The following ATL2 variants were observed in gnomAD, a reference collection of about 807,000 sequenced individuals.
ATL2 encodes the protein atlastin GTPase 2, also known as atlastin-2.
A neutral mutation model predicts 73.9 loss-of-function variants in ATL2; 31 were observed. The observed-to-expected ratio is 0.42, with a 90% CI of 0.32 to 0.57. ATL2 has a LOEUF of 0.57. Among genes scored for constraint, ATL2 ranks in the 20% least tolerant of loss-of-function variants. ATL2 has a pLI of 0.14. For missense variants in ATL2, 738 were observed against 702.6 expected (o/e 1.05, Z -0.57); for synonymous variants, 291 against 237.5 (o/e 1.23, Z -2.07).
chr2:38,324,298 G>A (rs577029571), intron 2 of ATL2, among the ~76,000 whole-genome samples: 19 of 152,224 alleles, frequency 1.2e-4, no homozygotes, highest in African/African-American at 4.1e-4. Flanking sequence ...AATCCAAGTA[G>A]TGCTACAATA....
intron 9 of ATL2, among the ~76,000 whole-genome samples, chr2:38,301,708 GCTAC>G (rs1345593300): frequency 1.3e-5 from 2 of 152,232 alleles, no homozygotes; most frequent in Non-Finnish European, 2.9e-5. Flanking sequence ...GCCACCATGG[GCTAC>G]AGTGCTCTGA....
At chr2:38,344,636 A>T (rs1669917498) in intron 1 of ATL2, among the ~76,000 whole-genome samples, 1 of 152,090 alleles carries the variant, frequency 6.6e-6, no homozygotes, top group Non-Finnish European at 1.5e-5. Context: ...AAAATTATTC[A>T]TGTTATTTTT....
intron 1 of ATL2, among the ~76,000 whole-genome samples, chr2:38,354,645 T>C (rs1239069947): frequency 6.6e-6 from 1 of 151,928 alleles, no homozygotes; most frequent in Non-Finnish European, 1.5e-5. Context: ...ATCCCAGCAC[T>C]TTGGAAGGCC....
At chr2:38,323,382 G>A (rs1486010113) in intron 2 of ATL2, among the ~76,000 whole-genome samples, 4 of 121,674 alleles carry the variant, frequency 3.3e-5, no homozygotes, top group African/African-American at 1.3e-4. Flanking sequence ...TTTTGAGATG[G>A]GGTCTCACTT....
intron 1 of ATL2, among the ~76,000 whole-genome samples, chr2:38,351,064 G>A (rs1216455895): frequency 6.6e-6 from 1 of 152,114 alleles, no homozygotes; most frequent in Non-Finnish European, 1.5e-5. Context: ...GGAATGAAAA[G>A]TATATTTTAT....
At chr2:38,342,165 G>T (rs140625779) in intron 2 of ATL2, among the ~76,000 whole-genome samples, 212 of 151,962 alleles carry the variant, frequency 1.4e-3, no homozygotes, top group Non-Finnish European at 2.6e-3. Context: ...GGAGAGATAG[G>T]TAAGTAGCAA....
At chr2:38,299,929 A>G (rs920426982) in intron 10 of ATL2, among the ~76,000 whole-genome samples, 1 of 152,164 alleles carries the variant, frequency 6.6e-6, no homozygotes, top group African/African-American at 2.4e-5. Flanking sequence ...ATTCCAAACA[A>G]CATTCATTGT....
chr2:38,312,641 G>T (rs969742942), intron 7 of ATL2, among the ~76,000 whole-genome samples: 2 of 151,398 alleles, frequency 1.3e-5, no homozygotes, highest in African/African-American at 4.9e-5. Context: ...CCCGGGAAGC[G>T]GAGGTTGCAG....
Position 38,298,131 on chromosome 2 carries a change from G to C in ATL2, c.1632+13C>G. 3.1e-6 allele frequency: 5 copies of C among 1,588,474 alleles called. No homozygotes were observed. Among genetic ancestry groups the C allele is most frequent in the Middle Eastern group, 1.7e-4 (1 of 5,908 alleles). On this transcript the variant is annotated intron_variant, in intron 12 of 12. Coordinates refer to ENST00000378954, the MANE Select transcript of ATL2 (RefSeq NM_001135673.4). ...AAGATTAGTCACTAAAAAACCAAAAGATAGATACCAACCTGTTCCCATAGT... is the reference window on the plus strand; with the variant it reads ...AAGATTAGTCACTAAAAAACCAAAACATAGATACCAACCTGTTCCCATAGT...
At chr2:38,374,861 A>G (rs1573611171) in intron 1 of ATL2, among the ~76,000 whole-genome samples, 1 of 152,344 alleles carries the variant, frequency 6.6e-6, no homozygotes, top group East Asian at 1.9e-4. Context: ...GTTACAATAC[A>G]GTCACAGAAA....
At chr2:38,347,608 G>C (rs1292582287) in intron 1 of ATL2, among the ~76,000 whole-genome samples, 1 of 151,920 alleles carries the variant, frequency 6.6e-6, no homozygotes, top group African/African-American at 2.4e-5. Flanking sequence ...TCCACAGAAT[G>C]AGTGTGCCAC....
chr2:38,328,309 A>T (rs1034063131), intron 2 of ATL2, among the ~76,000 whole-genome samples: 2 of 152,216 alleles, frequency 1.3e-5, no homozygotes, highest in African/African-American at 4.8e-5. Context: ...GTCGAGCTGA[A>T]CAGCATCAAC....
Position 38,323,349 on chromosome 2 carries a change from G to GTTT in ATL2, c.364-4333_364-4331dup, listed in dbSNP as rs1229668962. 4.8e-4 allele frequency among the ~76,000 whole-genome samples: 36 copies of GTTT among 75,266 alleles called. 2 individuals are homozygous for GTTT. Among genetic ancestry groups the GTTT allele is most frequent in the Non-Finnish European group, 6.6e-4 (26 of 39,452 alleles). 49.4% of individuals were successfully genotyped at this position (75,266 alleles called of 152,430 possible). On this transcript the variant is annotated intron_variant, in intron 2 of 12. Coordinates refer to ENST00000378954, the MANE Select transcript of ATL2 (RefSeq NM_001135673.4). ...AAAAGGCAATCTGAAATCACCAGAA[G>GTTT]TTTTTTTTTTTTTTTTTTTTTTTTT...
chr2:38,348,373 G>A (rs1670145909), intron 1 of ATL2, among the ~76,000 whole-genome samples: 1 of 151,890 alleles, frequency 6.6e-6, no homozygotes, highest in African/African-American at 2.4e-5. Context: ...GGCTGAGGGA[G>A]GAGAATTGCT....
intron 5 of ATL2, 65 bp from the exon 6 acceptor site, chr2:38,314,729 G>A: frequency 9.8e-7 from 1 of 1,017,776 alleles, no homozygotes; most frequent in Middle Eastern, 2.3e-4. Context: ...GTGTAAACCT[G>A]TTCCACACCA....
At chr2:38,308,134 T>C (rs1667553465) in intron 9 of ATL2, among the ~76,000 whole-genome samples, 2 of 152,162 alleles carry the variant, frequency 1.3e-5, no homozygotes, top group Admixed American at 6.5e-5. Flanking sequence ...AATCAGTATA[T>C]AGAAGATACA....
At chr2:38,312,321 GTTCTT>G (rs1667797534) in intron 7 of ATL2, among the ~76,000 whole-genome samples, 1 of 152,162 alleles carries the variant, frequency 6.6e-6, no homozygotes, top group African/African-American at 2.4e-5. Flanking sequence ...CCCCCTTGCT[GTTCTT>G]TTAACAGTGA....
At chr2:38,315,683 T>C (rs998338840) in intron 4 of ATL2, among the ~76,000 whole-genome samples, 3 of 152,148 alleles carry the variant, frequency 2.0e-5, no homozygotes, top group Non-Finnish European at 2.9e-5. Flanking sequence ...TTAAAGAGTG[T>C]AGGTTATTTC....
chr2:38,332,830 T>C (rs962017071), intron 2 of ATL2, among the ~76,000 whole-genome samples: 15 of 152,162 alleles, frequency 9.9e-5, no homozygotes, highest in African/African-American at 3.4e-4. Flanking sequence ...GATGAAAGAA[T>C]TATGGTATAC....
Sources: allele counts gnomAD v4.1 joint callset (sites outside exome capture counted in the v4.1 genomes callset), GRCh38; gene constraint gnomAD v4.1.1; transcripts MANE v1.5; gene names NCBI Gene and HGNC (gene_info 2026-07-23, HGNC 2026-07-21).